Variants in PAM observed in about 807,000 individuals in gnomAD.
The protein encoded by PAM is peptidylglycine alpha-amidating monooxygenase.
In PAM, 72 loss-of-function variants were observed where a neutral mutation model predicts 122.1. That is an observed-to-expected ratio of 0.59 (90% CI 0.49 to 0.72). PAM has a LOEUF of 0.72. Among genes scored for constraint, PAM ranks in the 30% least tolerant of loss-of-function variants. The pLI is 0.00. For synonymous variants in PAM, 389 were observed against 404.4 expected (o/e 0.96, Z 0.46); for missense variants, 1,106 against 1,183.7 (o/e 0.93, Z 0.96).
chr5:102,916,626 TTA>T (rs10550198), intron 5 of PAM, among the ~76,000 whole-genome samples: 18,570 of 143,834 alleles, frequency 0.13, 2,853 homozygotes, highest in African/African-American at 0.37. Flanking sequence ...TCAGGCCTTT[TTA>T]TATATATATA....
At chr5:102,849,510 A>G (rs1335079296) in intron 1 of PAM, among the ~76,000 whole-genome samples, 1 of 150,098 alleles carries the variant, frequency 6.7e-6, no homozygotes, top group Non-Finnish European at 1.5e-5. Flanking sequence ...GTGAGCCGAG[A>G]TCGCGCCACT....
chr5:102,797,464 G>A (rs1228231649), intron 1 of PAM, among the ~76,000 whole-genome samples: 1 of 152,122 alleles, frequency 6.6e-6, no homozygotes, highest in Admixed American at 6.6e-5. Flanking sequence ...AGGACATTTT[G>A]TTTCCTAGTA....
chr5:102,826,646 G>T (rs1469444222), intron 1 of PAM, among the ~76,000 whole-genome samples: 2 of 152,040 alleles, frequency 1.3e-5, no homozygotes, highest in African/African-American at 2.4e-5. Context: ...TTGGGTAATG[G>T]GATTAGCACT....
intron 1 of PAM, among the ~76,000 whole-genome samples, chr5:102,785,922 C>T (rs530385023): frequency 4.6e-5 from 7 of 151,950 alleles, no homozygotes; most frequent in East Asian, 3.9e-4. Context: ...TTAACATGTT[C>T]GTTTTATTTC....
chr5:102,920,456 C>G (rs951833007), intron 5 of PAM, among the ~76,000 whole-genome samples: 6 of 152,138 alleles, frequency 3.9e-5, no homozygotes, highest in Admixed American at 2.0e-4. Context: ...ATTTATCAGG[C>G]TGATATTTCT....
chr5:103,014,187 C>A (rs1360757948), intron 21 of PAM, among the ~76,000 whole-genome samples: 2 of 152,052 alleles, frequency 1.3e-5, no homozygotes, highest in African/African-American at 2.4e-5. Flanking sequence ...CTGTGTCAAC[C>A]AGGATATTAA....
rs992281506 is a variant in PAM at position 102,866,171 on chromosome 5, C to G, written c.-25C>G. 62 of 1,566,878 alleles carry G rather than the reference C, an allele frequency of 4.0e-5. No homozygotes were observed. Among genetic ancestry groups the G allele is most frequent in the Non-Finnish European group, 5.4e-5 (61 of 1,139,664 alleles). On this transcript the variant is annotated 5_prime_UTR_variant, in exon 2 of 26. Coordinates refer to ENST00000438793, the MANE Select transcript of PAM (RefSeq NM_001177306.2). ...CCGCGCTGCGCTGCCCGGTCCTCTCCCGGCGGGGTCGTATCGGCGTGGACA... is the reference window on the plus strand; with the variant it reads ...CCGCGCTGCGCTGCCCGGTCCTCTCGCGGCGGGGTCGTATCGGCGTGGACA...
Position 102,983,310 on chromosome 5 carries a change from C to T in PAM, c.1484-6962C>T, listed in dbSNP as rs544986332. Among the ~76,000 whole-genome samples the T allele has an allele frequency of 7.3e-5, 11 of 151,368 alleles. No individual in the cohort carries two copies. The South Asian group carries it at 1.3e-3, about 17-fold the overall frequency. On this transcript the variant is annotated intron_variant, in intron 15 of 25. Transcript: ENST00000438793. ...AATAATAAAAATAAAACTAGCCAGA[C>T]GGGGTGGCGTGTGCGTATAATTACA...
chr5:102,757,718 G>A (rs1026798493), intron 1 of PAM, among the ~76,000 whole-genome samples: 1 of 152,102 alleles, frequency 6.6e-6, no homozygotes, highest in African/African-American at 2.4e-5. Flanking sequence ...GTCCTGAAGT[G>A]ACTCTGGAAA....
At chr5:102,834,191 A>C (rs1776263220) in intron 1 of PAM, among the ~76,000 whole-genome samples, 1 of 152,144 alleles carries the variant, frequency 6.6e-6, no homozygotes, top group African/African-American at 2.4e-5. Flanking sequence ...TTTTAAAAAA[A>C]GAAAAATTCT....
chr5:102,882,190 A>G (rs1791509049), intron 3 of PAM, among the ~76,000 whole-genome samples: 1 of 143,526 alleles, frequency 7.0e-6, no homozygotes, highest in South Asian at 2.3e-4. Flanking sequence ...GAAGTGTTCA[A>G]GTATCTTTTT....
At chr5:102,760,219 G>A (rs186957751) in intron 1 of PAM, among the ~76,000 whole-genome samples, 1 of 152,246 alleles carries the variant, frequency 6.6e-6, no homozygotes, top group East Asian at 1.9e-4. Flanking sequence ...CTAAGCTCAG[G>A]GTTCCCCTCT....
At chr5:102,838,077 T>G (rs947995584) in intron 1 of PAM, 3 of 152,174 alleles carry the variant, frequency 2.0e-5, no homozygotes, top group Non-Finnish European at 4.4e-5. Flanking sequence ...AAGAAATTGA[T>G]TATAGTTCAT....
At chr5:102,926,110 C>T (rs1047006886) in intron 6 of PAM, among the ~76,000 whole-genome samples, 2 of 150,156 alleles carry the variant, frequency 1.3e-5, no homozygotes, top group Admixed American at 6.6e-5. Flanking sequence ...TTTTTTGAGA[C>T]GGAGTCTCGC....
intron 14 of PAM, among the ~76,000 whole-genome samples, chr5:102,972,753 C>T (rs1766250619): frequency 6.6e-6 from 1 of 152,224 alleles, no homozygotes; most frequent in Admixed American, 6.5e-5. Context: ...CAGAATGCCA[C>T]TGTGCCCTAA....
chr5:102,822,704 C>T (rs1248178474), intron 1 of PAM, among the ~76,000 whole-genome samples: 1 of 152,030 alleles, frequency 6.6e-6, no homozygotes, highest in African/African-American at 2.4e-5. Flanking sequence ...AGGATTAAAC[C>T]CAAGGAAGGG....
intron 1 of PAM, among the ~76,000 whole-genome samples, chr5:102,784,050 C>T (rs1435775525): frequency 6.6e-6 from 1 of 152,138 alleles, no homozygotes; most frequent in Non-Finnish European, 1.5e-5. Context: ...CCCGCCACCA[C>T]GCCCAGCTAA....
At chr5:103,017,493 A>G in intron 22 of PAM, 60 bp downstream of exon 22, 2 of 985,524 alleles carry the variant, frequency 2.0e-6, no homozygotes, top group Non-Finnish European at 1.6e-6. Context: ...TTAAAAGCAT[A>G]TGAAACAAAA....
intron 1 of PAM, among the ~76,000 whole-genome samples, chr5:102,829,484 G>T (rs944998864): frequency 6.6e-6 from 1 of 150,540 alleles, no homozygotes; most frequent in Non-Finnish European, 1.5e-5. Flanking sequence ...CCATTCTCCT[G>T]CCTCAGCCTC....
Sources: allele counts gnomAD v4.1 joint callset (sites outside exome capture counted in the v4.1 genomes callset), GRCh38; gene constraint gnomAD v4.1.1; transcripts MANE v1.5; gene names NCBI Gene and HGNC (gene_info 2026-07-23, HGNC 2026-07-21).